The following MEI4 variants were observed in gnomAD, a reference collection of about 807,000 sequenced individuals.
MEI4 encodes the protein meiotic double-stranded break formation protein 4.
Under a neutral mutation model 31.4 loss-of-function variants are expected in MEI4, and 27 were observed. The ratio of observed to expected loss-of-function variants is 0.86; its 90% CI spans 0.63 to 1.19. MEI4 has a LOEUF of 1.19. Among genes scored for constraint, MEI4 ranks in the 50% most tolerant of loss-of-function variants. MEI4 has a pLI of 0.00. For synonymous variants in MEI4, 122 were observed against 145.4 expected (o/e 0.84, Z 1.16); for missense variants, 329 against 398.9 (o/e 0.82, Z 1.49).
At chr6:77,916,763 ATTCTT>A (rs1160497706) in intron 4 of MEI4, among the ~76,000 whole-genome samples, 1 of 53,876 alleles carries the variant, frequency 1.9e-5, no homozygotes, top group East Asian at 1.3e-3. Context: ...TGCACCTCTA[ATTCTT>A]TTTTTTTTTT....
At position 77,821,006 on chromosome 6, in the gene MEI4, TC is replaced by T. The variant is rs1468567375; in HGVS notation, c.769-7924del. 2.4e-4 allele frequency among the ~76,000 whole-genome samples: 36 copies of T among 152,128 alleles called. 1 individual carries two copies. The highest frequency in any genetic ancestry group is 2.4e-3 in the Admixed American group (36 of 15,288). ...CCTCTACTCGTATATTGCATGCACA[TC>T]ATTTCTCTTTCCTATATTATGGATG... On this transcript the variant is annotated intron_variant, in intron 3 of 4. Coordinates refer to ENST00000684080, the MANE Select transcript of MEI4 (RefSeq NM_001322247.2).
chr6:77,923,305 A>G lies in MEI4; in HGVS notation c.1117A>G (p.Ile373Val). Reference protein sequence around the residue: ...LFTFYLWRVGILLSSAQIETL... With the variant: ...LFTFYLWRVGVLLSSAQIETL... Reference sequence around the variant, plus strand: ...TACTTTTTATTTATGGAGAGTGGGCATTCTTTTGAGCTCAGCACAGATAGA... The same window carrying G: ...TACTTTTTATTTATGGAGAGTGGGCGTTCTTTTGAGCTCAGCACAGATAGA... The change falls in exon 5 of 5, where the codon ATT becomes GTT. Residue 373 changes from isoleucine (I) to valine (V), a missense_variant. By Grantham distance (29) the Ile-to-Val change is conservative (BLOSUM62 3). Coordinates refer to ENST00000684080, the MANE Select transcript of MEI4 (RefSeq NM_001322247.2). The G allele has an allele frequency of 8.1e-7, 1 of 1,230,148 alleles. No individual in the cohort carries two copies. Among genetic ancestry groups the G allele is most frequent in the Non-Finnish European group, 1.0e-6 (1 of 986,592 alleles). The allele number at this position is 1,230,148 out of a possible 1,614,324, so 76.2% of individuals were successfully genotyped here.
chr6:77,801,473 G>A lies in MEI4; in HGVS notation c.769-27458G>A, dbSNP rs549721012. On this transcript the variant is annotated intron_variant, in intron 3 of 4. Coordinates refer to ENST00000684080, the MANE Select transcript of MEI4 (RefSeq NM_001322247.2). Reference sequence around the variant, plus strand: ...TCATTGATTTTTTGAAGGGTTTTTTGTGTCTCTATTTCCTTCAGTTCTGCT... The same window carrying A: ...TCATTGATTTTTTGAAGGGTTTTTTATGTCTCTATTTCCTTCAGTTCTGCT... Among the ~76,000 whole-genome samples, 100 of 152,064 alleles carry A rather than the reference G, an allele frequency of 6.6e-4. 2 individuals are homozygous for A. In the South Asian group the frequency reaches 0.016, roughly 25 times the overall value.
rs1313570879 is a variant in MEI4, at chr6:77,926,195, C to T, written c.*2849C>T. ...AGCTTTATACATGCTTAACTATGAACCTTAAGGCACAACAGTGGAAATTAC... is the reference window on the plus strand; with the variant it reads ...AGCTTTATACATGCTTAACTATGAATCTTAAGGCACAACAGTGGAAATTAC... On this transcript the variant is annotated 3_prime_UTR_variant, in exon 5 of 5. Coordinates refer to ENST00000684080, the MANE Select transcript of MEI4 (RefSeq NM_001322247.2). 6.6e-6 allele frequency: 1 copy of T among 151,910 alleles called. No individual in the cohort carries two copies. The highest frequency in any genetic ancestry group is 1.5e-5 in the Non-Finnish European group (1 of 67,932). 9.4% of individuals were successfully genotyped at this position (151,910 alleles called of 1,614,324 possible).
chr6:77,907,697 C>T (rs938540530), intron 4 of MEI4, among the ~76,000 whole-genome samples: 2 of 152,010 alleles, frequency 1.3e-5, no homozygotes, highest in Non-Finnish European at 2.9e-5. Flanking sequence ...GTTCTAGATC[C>T]CTGAGGAATC....
chr6:77,802,904 AT>A lies in MEI4; in HGVS notation c.769-26021del, dbSNP rs1448085926. 2.0e-5 allele frequency among the ~76,000 whole-genome samples: 3 copies of A among 151,780 alleles called. No homozygotes were observed. The East Asian group carries it at 5.8e-4, about 29-fold the overall frequency. ...ACCTTTCTCTCTGGCTGCCCTTAAC[AT>A]TTTTTCCTTCATTTCAACTTTGGTG... On this transcript the variant is annotated intron_variant, in intron 3 of 4. Coordinates refer to ENST00000684080, the MANE Select transcript of MEI4 (RefSeq NM_001322247.2).
chr6:77,699,167 G>A (rs1335899311), intron 2 of MEI4, among the ~76,000 whole-genome samples: 2 of 146,300 alleles, frequency 1.4e-5, no homozygotes, highest in East Asian at 2.0e-4. Context: ...TTATCCATTC[G>A]TCTAATTTTT....
chr6:77,807,013 A>G (rs1769457713), intron 3 of MEI4, among the ~76,000 whole-genome samples: 1 of 151,882 alleles, frequency 6.6e-6, no homozygotes, highest in South Asian at 2.1e-4. Context: ...TCATTTTGCT[A>G]TTTTGCTTTG....
intron 4 of MEI4, among the ~76,000 whole-genome samples, chr6:77,921,975 C>G (rs1562040714): frequency 6.6e-6 from 1 of 151,700 alleles, no homozygotes. Flanking sequence ...GACACAGATA[C>G]AAAGTGAGCA....
intron 4 of MEI4, 98 bp downstream of exon 4, chr6:77,829,160 GT>G: frequency 2.2e-6 from 2 of 911,134 alleles, no homozygotes; most frequent in Non-Finnish European, 2.9e-6. Context: ...CCAGGCTGAT[GT>G]TTTAGTTATT....
chr6:77,692,803 G>A (rs1188794706), intron 2 of MEI4, among the ~76,000 whole-genome samples: 2 of 152,178 alleles, frequency 1.3e-5, no homozygotes, highest in East Asian at 1.9e-4. Flanking sequence ...GTTTCTCTGA[G>A]TGTAGGCTAA....
intron 1 of MEI4, among the ~76,000 whole-genome samples, chr6:77,687,636 G>T (rs1367917207): frequency 6.6e-6 from 1 of 151,948 alleles, no homozygotes; most frequent in Non-Finnish European, 1.5e-5. Context: ...AACCCTTCTA[G>T]TCAGGCTTGA....
intron 4 of MEI4, among the ~76,000 whole-genome samples, chr6:77,862,581 C>A (rs898218986): frequency 6.6e-6 from 1 of 152,196 alleles, no homozygotes; most frequent in African/African-American, 2.4e-5. Flanking sequence ...CAGCCCAGAG[C>A]TCTAACTGGG....
At chr6:77,734,643 A>G (rs572672205) in intron 2 of MEI4, among the ~76,000 whole-genome samples, 66 of 151,774 alleles carry the variant, frequency 4.3e-4, no homozygotes, top group East Asian at 3.5e-3. Flanking sequence ...TTACATTTAA[A>G]GTTAATATTA....
chr6:77,662,136 G>GT (rs1395657045), intron 1 of MEI4, among the ~76,000 whole-genome samples: 1 of 152,190 alleles, frequency 6.6e-6, no homozygotes, highest in Non-Finnish European at 1.5e-5. Flanking sequence ...ATATTGACGC[G>GT]TAGTCCTTTT....
intron 1 of MEI4, among the ~76,000 whole-genome samples, chr6:77,655,923 C>T (rs1171650778): frequency 6.6e-6 from 1 of 152,100 alleles, no homozygotes; most frequent in Non-Finnish European, 1.5e-5. Context: ...ATCAAATTGT[C>T]TTTAAGGAAA....
rs141544409 is a variant in MEI4 at position 77,705,947 on chromosome 6, G to C, written c.232+15044G>C. On this transcript the variant is annotated intron_variant, in intron 2 of 4. Coordinates refer to ENST00000684080, the MANE Select transcript of MEI4 (RefSeq NM_001322247.2). Reference sequence around the variant, plus strand: ...CATTGAGCAGATCCATTGTTTCACAGTTTTGTGGACTCAGAAAATGACACC... The same window carrying C: ...CATTGAGCAGATCCATTGTTTCACACTTTTGTGGACTCAGAAAATGACACC... Among the ~76,000 whole-genome samples the C allele has an allele frequency of 1.4e-3, 213 of 152,290 alleles. 1 individual carries two copies. Among genetic ancestry groups the C allele is most frequent in the African/African-American group, 4.5e-3 (186 of 41,560 alleles).
intron 4 of MEI4, among the ~76,000 whole-genome samples, chr6:77,873,807 T>A: frequency 6.6e-6 from 1 of 152,210 alleles, no homozygotes; most frequent in Non-Finnish European, 1.5e-5. Context: ...GGATCCAGTT[T>A]CAGCTTTCTA....
rs144766465 is a variant in MEI4, at chr6:77,706,451, T to G, written c.232+15548T>G. ...ATGGCTGTCCATTCTGCATCAAACC[T>G]AAGCATAAAACAGACAATTTTCTAT... On this transcript the variant is annotated intron_variant, in intron 2 of 4. Transcript: ENST00000684080. Among the ~76,000 whole-genome samples the G allele has an allele frequency of 1.4e-3, 213 of 152,324 alleles. 1 individual carries two copies. The highest frequency in any genetic ancestry group is 4.5e-3 in the African/African-American group (187 of 41,572).
Sources: gnomAD v4.1 joint callset for allele counts (sites outside exome capture counted in the v4.1 genomes callset) on GRCh38, gnomAD v4.1.1 for gene constraint, MANE v1.5 for transcripts, NCBI Gene and HGNC (gene_info 2026-07-23, HGNC 2026-07-21) for gene names.